The following SH3BP5 variants were observed in gnomAD, a reference collection of about 807,000 sequenced individuals.
The protein encoded by SH3BP5 is SH3 domain-binding protein 5.
In SH3BP5, 22 loss-of-function variants were observed where a neutral mutation model predicts 43.3. That is an observed-to-expected ratio of 0.51 (90% CI 0.36 to 0.73). SH3BP5 has a LOEUF of 0.73. SH3BP5 is among the 30% of genes least tolerant of loss of function. The probability of loss-of-function intolerance (pLI) is 0.00; values close to 1 mark genes in which losing one functional copy is unlikely to be tolerated. For synonymous variants in SH3BP5, 255 were observed against 225.8 expected (o/e 1.13, Z -1.16); for missense variants, 529 against 586.9 (o/e 0.90, Z 1.02).
At chr3:15,310,847 G>C (rs887177636) in intron 2 of SH3BP5, among the ~76,000 whole-genome samples, 1 of 152,150 alleles carries the variant, frequency 6.6e-6, no homozygotes, top group East Asian at 1.9e-4. Context: ...CTGTTTGACT[G>C]TGTCAGTGTG....
intron 3 of SH3BP5, among the ~76,000 whole-genome samples, chr3:15,300,818 C>T (rs912938785): frequency 9.9e-5 from 15 of 152,096 alleles, no homozygotes; most frequent in South Asian, 2.1e-4. Flanking sequence ...AAGGAGATTA[C>T]GGGGAGGGCT....
intron 3 of SH3BP5, among the ~76,000 whole-genome samples, chr3:15,295,912 T>C (rs1161346082): frequency 6.6e-6 from 1 of 152,222 alleles, no homozygotes; most frequent in Non-Finnish European, 1.5e-5. Flanking sequence ...TTCAACCCTT[T>C]GCAGCTAGTG....
In SH3BP5 at chr3:15,259,816, G is replaced by A. The variant is rs1306128619; in HGVS notation, c.627-13C>T. 4 of 1,613,186 alleles carry A rather than the reference G, an allele frequency of 2.5e-6. No individual in the cohort carries two copies. The Admixed American group carries it at 5.0e-5, about 20-fold the overall frequency. On this transcript the variant is annotated splice_polypyrimidine_tract_variant and intron_variant, in intron 5 of 8. Transcript: ENST00000383791. Reference sequence around the variant, plus strand: ...TTCAAAATAAGGCCTGCAGAAGACAGGAAGGAAAGCCATCAGAGTAATATA... The same window carrying A: ...TTCAAAATAAGGCCTGCAGAAGACAAGAAGGAAAGCCATCAGAGTAATATA...
chr3:15,288,118 T>C (rs1481948893), intron 3 of SH3BP5, among the ~76,000 whole-genome samples: 1 of 152,220 alleles, frequency 6.6e-6, no homozygotes, highest in African/African-American at 2.4e-5. Flanking sequence ...AAAGGCCGTC[T>C]GCTGCAGAAT....
At chr3:15,311,674 T>A (rs2125121675) in intron 2 of SH3BP5, among the ~76,000 whole-genome samples, 1 of 146,474 alleles carries the variant, frequency 6.8e-6, no homozygotes, top group Non-Finnish European at 1.5e-5. Context: ...TCTTCAGTAT[T>A]TTTTGTTTTT....
intron 2 of SH3BP5, among the ~76,000 whole-genome samples, chr3:15,316,457 T>C (rs563003535): frequency 6.6e-6 from 1 of 152,184 alleles, no homozygotes; most frequent in African/African-American, 2.4e-5. Context: ...ACTCCTGACC[T>C]CGTGATCCGC....
chr3:15,316,320 G>A (rs891023190), intron 2 of SH3BP5, among the ~76,000 whole-genome samples: 1 of 148,530 alleles, frequency 6.7e-6, no homozygotes, highest in Non-Finnish European at 1.5e-5. Flanking sequence ...CGCCTCCCGG[G>A]TTCAAGTGAT....
At chr3:15,260,067 G>C (rs1696377429) in intron 5 of SH3BP5, 1 of 517,238 alleles carries the variant, frequency 1.9e-6, no homozygotes, top group African/African-American at 1.9e-5. Flanking sequence ...CACATATCTT[G>C]GGGACTCTGC....
upstream of SH3BP5, among the ~76,000 whole-genome samples, chr3:15,336,591 G>A (rs1698703223): frequency 6.6e-6 from 1 of 152,186 alleles, no homozygotes; most frequent in African/African-American, 2.4e-5. Flanking sequence ...AATGGAGGTT[G>A]GAGGAGAGAG....
intron 2 of SH3BP5, among the ~76,000 whole-genome samples, chr3:15,328,929 TG>T (rs1267301555): frequency 6.6e-6 from 1 of 152,172 alleles, no homozygotes; most frequent in African/African-American, 2.4e-5. Context: ...TAGTGGCAAC[TG>T]GGCTCTTGAA....
At chr3:15,301,009 T>C (rs749496114) in intron 3 of SH3BP5, among the ~76,000 whole-genome samples, 1 of 152,110 alleles carries the variant, frequency 6.6e-6, no homozygotes, top group Non-Finnish European at 1.5e-5. Flanking sequence ...GATGAAGAGA[T>C]GGAGAGGAGC....
intron 5 of SH3BP5, 58 bp downstream of exon 5, chr3:15,262,101 G>A (rs1231110819): frequency 2.5e-6 from 4 of 1,598,820 alleles, no homozygotes; most frequent in East Asian, 2.2e-5. Flanking sequence ...ACAAAAGGCT[G>A]AGAAGATGCA....
At chr3:15,337,620 C>T (rs911334403) in intron 1 of SH3BP5, among the ~76,000 whole-genome samples, 1 of 152,046 alleles carries the variant, frequency 6.6e-6, no homozygotes, top group African/African-American at 2.4e-5. Flanking sequence ...CCTCATGAAA[C>T]CTGGGCCCCA....
At chr3:15,289,771 C>T (rs760006447) in intron 3 of SH3BP5, among the ~76,000 whole-genome samples, 4 of 152,222 alleles carry the variant, frequency 2.6e-5, no homozygotes, top group South Asian at 2.1e-4. Context: ...TAAACTAATA[C>T]GGCATCTTAC....
intron 3 of SH3BP5, among the ~76,000 whole-genome samples, chr3:15,292,091 A>G (rs536301291): frequency 6.6e-6 from 1 of 152,322 alleles, no homozygotes; most frequent in Non-Finnish European, 1.5e-5. Context: ...CCTTTCACTG[A>G]AAAATTAATC....
chr3:15,326,779 AT>A (rs943174042), intron 2 of SH3BP5, among the ~76,000 whole-genome samples: 26 of 151,982 alleles, frequency 1.7e-4, no homozygotes, highest in Non-Finnish European at 3.1e-4. Flanking sequence ...TGCTGTTAAA[AT>A]GGCCCATAAG....
chr3:15,277,934 T>C (rs1352576825), intron 3 of SH3BP5, among the ~76,000 whole-genome samples: 2 of 152,066 alleles, frequency 1.3e-5, no homozygotes, highest in African/African-American at 2.4e-5. Context: ...GTTGGAAAGA[T>C]ACCAGCCCAG....
intron 3 of SH3BP5, chr3:15,271,649 G>A (rs893090923): frequency 6.6e-6 from 1 of 151,382 alleles, no homozygotes; most frequent in Non-Finnish European, 1.5e-5. Context: ...TTGCACTCCA[G>A]CCTGGATGAC....
At chr3:15,322,117 C>T (rs1961322) in intron 2 of SH3BP5, among the ~76,000 whole-genome samples, 48,373 of 151,700 alleles carry the variant, frequency 0.32, 8,219 homozygotes, top group Non-Finnish European at 0.38. Context: ...GCAGGAGAAT[C>T]GCTTGAACCT....
Sources: gnomAD v4.1 joint callset for allele counts (sites outside exome capture counted in the v4.1 genomes callset) on GRCh38, gnomAD v4.1.1 for gene constraint, MANE v1.5 for transcripts, NCBI Gene and HGNC (gene_info 2026-07-23, HGNC 2026-07-21) for gene names.